The following ENTREP2 variants were observed in gnomAD, a reference collection of about 807,000 sequenced individuals.
ENTREP2 encodes the protein protein ENTREP2.
the ENTREP2 span, among the ~76,000 whole-genome samples, chr15:29,481,841 G>A: frequency 6.6e-6 from 1 of 151,988 alleles, no homozygotes; most frequent in Non-Finnish European, 1.5e-5. Flanking sequence ...CAAACATGAC[G>A]TTTTTAAGGT....
the ENTREP2 span, among the ~76,000 whole-genome samples, chr15:29,240,520 A>C: frequency 2.6e-5 from 4 of 152,280 alleles, no homozygotes; most frequent in East Asian, 7.7e-4. Context: ...CTGTGAGTTC[A>C]ATATCTTGCT....
the ENTREP2 span, among the ~76,000 whole-genome samples, chr15:29,622,164 C>G: frequency 5.9e-5 from 9 of 152,038 alleles, no homozygotes; most frequent in Non-Finnish European, 1.2e-4. Flanking sequence ...GTATTTAACA[C>G]TACTAACTGT....
At chr15:29,420,602 G>A in the ENTREP2 span, among the ~76,000 whole-genome samples, 1 of 152,144 alleles carries the variant, frequency 6.6e-6, no homozygotes, top group African/African-American at 2.4e-5. Flanking sequence ...TTTGAGTTTG[G>A]TACCAGTGGG....
the ENTREP2 span, among the ~76,000 whole-genome samples, chr15:29,359,918 C>A: frequency 6.6e-6 from 1 of 152,066 alleles, no homozygotes; most frequent in African/African-American, 2.4e-5. Flanking sequence ...TATTGTATAT[C>A]ATAAAATTAT....
At chr15:29,592,710 G>A in the ENTREP2 span, among the ~76,000 whole-genome samples, 12 of 152,272 alleles carry the variant, frequency 7.9e-5, no homozygotes, top group Admixed American at 3.9e-4. Context: ...GGGTTCTCAC[G>A]GGAGGTGTTT....
the ENTREP2 span, among the ~76,000 whole-genome samples, chr15:29,351,822 T>C: frequency 6.6e-6 from 1 of 151,930 alleles, no homozygotes; most frequent in Non-Finnish European, 1.5e-5. Flanking sequence ...TTATTTTTTT[T>C]TTGGTAGAGA....
the ENTREP2 span, among the ~76,000 whole-genome samples, chr15:29,668,807 C>T: frequency 6.6e-6 from 1 of 152,180 alleles, no homozygotes; most frequent in Non-Finnish European, 1.5e-5. Flanking sequence ...CAGTCACTTC[C>T]CTGAGTTTTC....
At chr15:29,161,889 G>A in the ENTREP2 span, among the ~76,000 whole-genome samples, 2 of 152,066 alleles carry the variant, frequency 1.3e-5, no homozygotes, top group Non-Finnish European at 2.9e-5. Context: ...GCTCCAGATC[G>A]ACTGCAAGAA....
the ENTREP2 span, among the ~76,000 whole-genome samples, chr15:29,553,536 C>A: frequency 6.6e-6 from 1 of 152,152 alleles, no homozygotes; most frequent in Non-Finnish European, 1.5e-5. Flanking sequence ...AGAGGTAGGG[C>A]CTATGTCCCC....
chr15:29,141,313 GA>G, the ENTREP2 span, among the ~76,000 whole-genome samples: 20 of 152,292 alleles, frequency 1.3e-4, no homozygotes, highest in South Asian at 6.2e-4. Context: ...GCACATTTCT[GA>G]TCCTGTGAGT....
chr15:29,394,145 A>G, the ENTREP2 span, among the ~76,000 whole-genome samples: 1 of 152,220 alleles, frequency 6.6e-6, no homozygotes, highest in Non-Finnish European at 1.5e-5. Flanking sequence ...GAAGATTTTT[A>G]GTAAATGGAC....
the ENTREP2 span, among the ~76,000 whole-genome samples, chr15:29,277,787 C>G: frequency 6.6e-6 from 1 of 152,144 alleles, no homozygotes; most frequent in Non-Finnish European, 1.5e-5. Context: ...ACTTGCTATA[C>G]CACGCAAGAT....
At chr15:29,515,777 G>A in the ENTREP2 span, among the ~76,000 whole-genome samples, 1 of 152,176 alleles carries the variant, frequency 6.6e-6, no homozygotes, top group African/African-American at 2.4e-5. Context: ...AGCAGCCCAG[G>A]TGGCTAGTAC....
the ENTREP2 span, among the ~76,000 whole-genome samples, chr15:29,302,800 C>T: frequency 6.6e-6 from 1 of 152,124 alleles, no homozygotes; most frequent in Non-Finnish European, 1.5e-5. Context: ...GAAATATTCG[C>T]TTTTTTTATG....
chr15:29,655,734 A>G, the ENTREP2 span, among the ~76,000 whole-genome samples: 4 of 152,170 alleles, frequency 2.6e-5, no homozygotes, highest in Non-Finnish European at 5.9e-5. Context: ...AAACAAAAAA[A>G]CAAAAAACAA....
chr15:29,228,495 A>G, the ENTREP2 span, among the ~76,000 whole-genome samples: 1 of 152,166 alleles, frequency 6.6e-6, no homozygotes, highest in Non-Finnish European at 1.5e-5. Flanking sequence ...TCTATTAGGG[A>G]TGATGAAAAA....
chr15:29,609,325 C>T, the ENTREP2 span, among the ~76,000 whole-genome samples: 1 of 150,262 alleles, frequency 6.7e-6, no homozygotes, highest in Admixed American at 6.7e-5. Context: ...TTTGCTATCA[C>T]AATCAATGTG....
At chr15:29,270,969 G>C in the ENTREP2 span, among the ~76,000 whole-genome samples, 1 of 152,228 alleles carries the variant, frequency 6.6e-6, no homozygotes, top group South Asian at 2.1e-4. Context: ...CACATTATCT[G>C]AGTAATAGCA....
At chr15:29,148,679 T>C in the ENTREP2 span, among the ~76,000 whole-genome samples, 4 of 152,210 alleles carry the variant, frequency 2.6e-5, no homozygotes, top group African/African-American at 7.2e-5. Context: ...TGTACATACA[T>C]GGACTGACCT....
Sources: allele counts gnomAD v4.1 joint callset (sites outside exome capture counted in the v4.1 genomes callset), GRCh38; gene constraint gnomAD v4.1.1; transcripts MANE v1.5; gene names NCBI Gene and HGNC (gene_info 2026-07-23, HGNC 2026-07-21).